SLC25A21: variants seen among roughly 807,000 people sequenced by gnomAD.
SLC25A21 encodes the protein solute carrier family 25 member 21.
SLC25A21 carries 47 observed loss-of-function variants against 43.8 expected under a neutral mutation model. That is an observed-to-expected ratio of 1.07 (90% CI 0.85 to 1.37). SLC25A21 has a LOEUF of 1.37. SLC25A21 is among the 40% of genes most tolerant of loss of function. The pLI is 0.00. For synonymous variants in SLC25A21, 131 were observed against 121.3 expected, an observed-to-expected ratio of 1.08 and a Z score of -0.52; for missense variants, 352 against 350.2, an observed-to-expected ratio of 1.00 and a Z score of -0.04.
At chr14:37,147,788 G>A (rs1386250156) in intron 1 of SLC25A21, among the ~76,000 whole-genome samples, 1 of 151,036 alleles carries the variant, frequency 6.6e-6, no homozygotes, top group African/African-American at 2.4e-5. Flanking sequence ...CATTACATGA[G>A]ACCACACTTT....
chr14:37,137,861 T>C (rs1963509348), intron 1 of SLC25A21, among the ~76,000 whole-genome samples: 1 of 152,190 alleles, frequency 6.6e-6, no homozygotes, highest in African/African-American at 2.4e-5. Context: ...CTACAGGTAT[T>C]AATTAACAAC....
At chr14:36,899,546 G>A (rs1268221753) in intron 1 of SLC25A21, among the ~76,000 whole-genome samples, 2 of 152,188 alleles carry the variant, frequency 1.3e-5, no homozygotes, top group Admixed American at 6.5e-5. Flanking sequence ...CCAGGGCCAG[G>A]AGGCTTCACT....
chr14:36,718,571 T>TA (rs1884244154), intron 6 of SLC25A21, among the ~76,000 whole-genome samples: 1 of 152,236 alleles, frequency 6.6e-6, no homozygotes, highest in Non-Finnish European at 1.5e-5. Context: ...TTTATCAACA[T>TA]AAAGTTGACT....
At chr14:36,880,947 T>C (rs1385879273) in intron 1 of SLC25A21, among the ~76,000 whole-genome samples, 2 of 152,292 alleles carry the variant, frequency 1.3e-5, no homozygotes, top group East Asian at 3.9e-4. Flanking sequence ...ACAAGGATGC[T>C]TGAAAGCCTG....
chr14:37,047,678 T>C (rs765450524), intron 1 of SLC25A21, among the ~76,000 whole-genome samples: 5 of 152,248 alleles, frequency 3.3e-5, no homozygotes, highest in Admixed American at 6.5e-5. Flanking sequence ...GAAGTTCACA[T>C]TGATTAAAAA....
chr14:37,105,765 G>C (rs898939462), intron 1 of SLC25A21, among the ~76,000 whole-genome samples: 1 of 152,034 alleles, frequency 6.6e-6, no homozygotes, highest in African/African-American at 2.4e-5. Flanking sequence ...TAGAATTCTA[G>C]TAGTAGAATT....
chr14:36,805,055 A>G (rs1278334097), intron 3 of SLC25A21, among the ~76,000 whole-genome samples: 1 of 152,152 alleles, frequency 6.6e-6, no homozygotes, highest in East Asian at 1.9e-4. Context: ...AAACATGGGG[A>G]ATATCTGCTC....
intron 2 of SLC25A21, among the ~76,000 whole-genome samples, chr14:36,855,026 T>A (rs1039598578): frequency 2.0e-5 from 3 of 151,572 alleles, no homozygotes; most frequent in African/African-American, 7.3e-5. Flanking sequence ...CTGTGAAAAA[T>A]TTTTAAAAAA....
At chr14:36,767,994 C>T (rs1459285459) in intron 3 of SLC25A21, among the ~76,000 whole-genome samples, 6 of 152,144 alleles carry the variant, frequency 3.9e-5, no homozygotes, top group East Asian at 3.9e-4. Flanking sequence ...ACATCTGGGC[C>T]GGCTCCCGTG....
intron 3 of SLC25A21, chr14:36,809,152 G>A (rs954266494): frequency 3.9e-5 from 6 of 152,178 alleles, no homozygotes; most frequent in African/African-American, 1.4e-4. Flanking sequence ...GGTTTTAAAG[G>A]CAGCTAATTA....
At chr14:36,838,523 T>G (rs1889284089) in intron 2 of SLC25A21, among the ~76,000 whole-genome samples, 1 of 152,172 alleles carries the variant, frequency 6.6e-6, no homozygotes, top group Non-Finnish European at 1.5e-5. Context: ...CATGGTCTGT[T>G]CCTGCCAAGC....
chr14:36,734,524 G>C lies in SLC25A21; in HGVS notation c.253C>G (p.Pro85Ala), dbSNP rs1238605952. 1.2e-6 allele frequency: 2 copies of C among 1,607,604 alleles called. No individual in the cohort carries two copies. The highest frequency in any genetic ancestry group is 2.2e-5 in the South Asian group (2 of 89,562). ...ATGCTTACCTTCACTGCTCTTTTTG[G>C]GGTTTCAGCCAAGATAGGTGGCAGA... ...GILPPILAET[P>A]KRAVKFFTFE... Residue 85 changes from proline to alanine, a missense_variant, in exon 4 of 10, where the codon CCA becomes GCA. By Grantham distance (27) the Pro-to-Ala change is conservative (BLOSUM62 -1). Transcript: ENST00000331299.
chr14:36,970,884 A>G (rs73256216), intron 1 of SLC25A21, among the ~76,000 whole-genome samples: 16,458 of 152,236 alleles, frequency 0.11, 2,459 homozygotes, highest in African/African-American at 0.33. Context: ...ATTCTTTGAA[A>G]ACCTTTTAGA....
chr14:36,747,140 A>G (rs984038066), intron 3 of SLC25A21, among the ~76,000 whole-genome samples: 4 of 152,190 alleles, frequency 2.6e-5, no homozygotes, highest in African/African-American at 9.6e-5. Flanking sequence ...TTGAATATGT[A>G]TTAGTCACAT....
chr14:36,999,795 A>G (rs1005341298), intron 1 of SLC25A21, among the ~76,000 whole-genome samples: 2 of 152,202 alleles, frequency 1.3e-5, no homozygotes, highest in Non-Finnish European at 2.9e-5. Context: ...GGGACCAAAT[A>G]GAAGCAGATT....
chr14:36,692,476 C>A (rs1190047523), intron 7 of SLC25A21, among the ~76,000 whole-genome samples: 2 of 152,148 alleles, frequency 1.3e-5, no homozygotes, highest in Non-Finnish European at 2.9e-5. Flanking sequence ...TAAAATATGT[C>A]CATTGAAAGA....
chr14:36,956,575 A>AT (rs950594163), intron 1 of SLC25A21, among the ~76,000 whole-genome samples: 41 of 151,994 alleles, frequency 2.7e-4, no homozygotes, highest in Admixed American at 8.5e-4. Context: ...TCATTCGTTT[A>AT]TTTTTTTTGA....
chr14:37,111,480 G>C (rs1963018343), intron 1 of SLC25A21, among the ~76,000 whole-genome samples: 1 of 152,190 alleles, frequency 6.6e-6, no homozygotes, highest in Non-Finnish European at 1.5e-5. Flanking sequence ...TCCTCTCTCA[G>C]TGGTTCTACA....
rs1182598516 is a variant in SLC25A21 at position 36,711,356 on chromosome 14, A to C, written c.565T>G (p.Phe189Val). Residue 189 changes from phenylalanine to valine, a missense_variant, in exon 7 of 10, where the codon TTC (phenylalanine) becomes GTC (valine). Physicochemically the swap from Phe to Val is conservative, Grantham distance 50. Transcript: ENST00000331299. ...ATCATGTTTTTGACATTGTAGTAGA[A>C]GCCAAAATAAACCATGTTGAAAACT... ...HGVFNMVYFG[F>V]YYNVKNMIPV... 1 of 1,614,018 alleles carries C rather than the reference A, an allele frequency of 6.2e-7. No individual in the cohort carries two copies. Among genetic ancestry groups the C allele is most frequent in the African/African-American group, 1.3e-5 (1 of 74,932 alleles).
Sources: allele counts gnomAD v4.1 joint callset (sites outside exome capture counted in the v4.1 genomes callset), GRCh38; gene constraint gnomAD v4.1.1; transcripts MANE v1.5; gene names NCBI Gene and HGNC (gene_info 2026-07-23, HGNC 2026-07-21).